TACR3: variants seen among roughly 807,000 people sequenced by gnomAD.
The protein encoded by TACR3 is neuromedin-K receptor.
A neutral mutation model predicts 35.0 loss-of-function variants in TACR3; 34 were observed. That is an observed-to-expected ratio of 0.97 (90% CI 0.74 to 1.30). TACR3 has a LOEUF of 1.30. Among genes scored for constraint, TACR3 ranks in the 50% most tolerant of loss-of-function variants. The pLI, the probability that TACR3 is intolerant of heterozygous loss-of-function variation, is 0.00. For synonymous variants in TACR3, 233 were observed against 221.1 expected (o/e 1.05, Z -0.48); for missense variants, 558 against 591.7 (o/e 0.94, Z 0.59).
chr4:103,612,053 T>C (rs962595593), intron 3 of TACR3, among the ~76,000 whole-genome samples: 2 of 152,190 alleles, frequency 1.3e-5, no homozygotes, highest in Admixed American at 6.5e-5. Context: ...TTTTAAAAAA[T>C]GTAAAATAGA....
chr4:103,597,700 C>A (rs950005617), intron 3 of TACR3, among the ~76,000 whole-genome samples: 1 of 150,554 alleles, frequency 6.6e-6, no homozygotes, highest in Non-Finnish European at 1.5e-5. Context: ...TGAGAACATG[C>A]AGTTTGGTTT....
intron 3 of TACR3, among the ~76,000 whole-genome samples, chr4:103,618,564 CTTTTTTTTT>C (rs57837921): frequency 1.1e-4 from 7 of 61,446 alleles, no homozygotes; most frequent in East Asian, 6.0e-4. Flanking sequence ...GTGACTTGGG[CTTTTTTTTT>C]TTTTTTTTTT....
In TACR3 at chr4:103,637,244, T is replaced by C. The variant is rs537834019; in HGVS notation, c.888+18950A>G. ...AAATCAAAAAGCTTATCCACCATGA[T>C]CAAGTGGGCTTCATCCCTGGGATGC... On this transcript the variant is annotated intron_variant, in intron 3 of 4. Coordinates refer to ENST00000304883, the MANE Select transcript of TACR3 (RefSeq NM_001059.3). 5.0e-3 allele frequency among the ~76,000 whole-genome samples: 756 copies of C among 152,196 alleles called. 10 individuals are homozygous for C. The highest frequency in any genetic ancestry group is 0.017 in the African/African-American group (724 of 41,524).
At chr4:103,634,073 A>G (rs1725126741) in intron 3 of TACR3, among the ~76,000 whole-genome samples, 2 of 152,154 alleles carry the variant, frequency 1.3e-5, no homozygotes, top group Non-Finnish European at 2.9e-5. Flanking sequence ...AAAACTAAAT[A>G]GGACTAGAAG....
At chr4:103,678,102 T>C (rs1238882933) in intron 1 of TACR3, among the ~76,000 whole-genome samples, 1 of 152,148 alleles carries the variant, frequency 6.6e-6, no homozygotes, top group Non-Finnish European at 1.5e-5. Flanking sequence ...AATGAGATCT[T>C]CTGTGCAACT....
intron 3 of TACR3, among the ~76,000 whole-genome samples, chr4:103,650,774 T>G (rs1725591581): frequency 1.3e-5 from 1 of 78,598 alleles, no homozygotes; most frequent in African/African-American, 5.3e-5. Context: ...ATGTATATAA[T>G]ATATATTATA....
intron 1 of TACR3, among the ~76,000 whole-genome samples, chr4:103,696,488 A>G (rs966817596): frequency 6.6e-6 from 1 of 152,204 alleles, no homozygotes; most frequent in Admixed American, 6.5e-5. Context: ...TTCTTGCCAT[A>G]TAAGATTATG....
At chr4:103,627,357 A>ATAC (rs1306231314) in intron 3 of TACR3, among the ~76,000 whole-genome samples, 119 of 102,142 alleles carry the variant, frequency 1.2e-3, no homozygotes, top group African/African-American at 3.9e-3. Flanking sequence ...TCCATTAAAA[A>ATAC]AAAAAAAAAA....
intron 1 of TACR3, among the ~76,000 whole-genome samples, chr4:103,669,919 A>C (rs551315607): frequency 6.6e-6 from 1 of 152,036 alleles, no homozygotes; most frequent in South Asian, 2.1e-4. Flanking sequence ...GTTTTTCCAC[A>C]ATGTTTTCTA....
chr4:103,700,889 GGAC>G (rs1337563307), intron 1 of TACR3, among the ~76,000 whole-genome samples: 1 of 152,050 alleles, frequency 6.6e-6, no homozygotes, highest in Non-Finnish European at 1.5e-5. Context: ...GGTATTGATG[GGAC>G]GTATCTCAAA....
Position 103,658,243 on chromosome 4 carries a change from A to G in TACR3, c.709T>C (p.Trp237Arg). The change falls in exon 2 of 5, where the codon TGG (tryptophan) becomes CGG (arginine). Residue 237 changes from tryptophan (W) to arginine (R), a missense_variant. Trp to Arg is a moderately radical substitution (Grantham distance 101). Coordinates refer to ENST00000304883, the MANE Select transcript of TACR3 (RefSeq NM_001059.3). ...MPGRTLCFVQ[W>R]PEGPKQHFTY... ...AAATGTTGTTTGGGACCTTCTGGCC[A>G]TTGCACAAAGCAGAGAGTACGGCCT... The G allele has an allele frequency of 1.9e-6, 3 of 1,613,984 alleles. No homozygotes were observed. The highest frequency in any genetic ancestry group is 2.5e-6 in the Non-Finnish European group (3 of 1,179,912).
chr4:103,600,348 T>C (rs943188485), intron 3 of TACR3, among the ~76,000 whole-genome samples: 15 of 152,174 alleles, frequency 9.9e-5, no homozygotes, highest in Non-Finnish European at 2.1e-4. Context: ...TTCTCTCTTT[T>C]CTTCTTTATT....
chr4:103,607,417 A>T (rs1724404979), intron 3 of TACR3, among the ~76,000 whole-genome samples: 1 of 152,014 alleles, frequency 6.6e-6, no homozygotes, highest in African/African-American at 2.4e-5. Context: ...ACCAGTGTTT[A>T]GTGTTATTAT....
chr4:103,599,650 A>AT (rs1050667559), intron 3 of TACR3, among the ~76,000 whole-genome samples: 4 of 152,126 alleles, frequency 2.6e-5, no homozygotes, highest in Admixed American at 6.5e-5. Context: ...ATTTATTGAG[A>AT]TTTTTTAGCA....
chr4:103,597,053 A>T (rs1040105554), intron 3 of TACR3, among the ~76,000 whole-genome samples: 14 of 152,032 alleles, frequency 9.2e-5, no homozygotes, highest in African/African-American at 3.4e-4. Context: ...ATAGTGCCGC[A>T]ATAAACACAT....
intron 1 of TACR3, among the ~76,000 whole-genome samples, chr4:103,715,430 T>C (rs1373524756): frequency 1.3e-5 from 2 of 152,144 alleles, no homozygotes; most frequent in Admixed American, 6.5e-5. Context: ...TCTGTCATGA[T>C]TGTAAGTTTC....
intron 1 of TACR3, among the ~76,000 whole-genome samples, chr4:103,704,839 C>A (rs1578265475): frequency 6.6e-6 from 1 of 152,104 alleles, no homozygotes; most frequent in East Asian, 1.9e-4. Flanking sequence ...GACACTATAG[C>A]AAGAAATGGT....
chr4:103,595,958 T>A (rs1488514541), intron 3 of TACR3, among the ~76,000 whole-genome samples: 1 of 143,724 alleles, frequency 7.0e-6, no homozygotes, highest in African/African-American at 2.6e-5. Flanking sequence ...TGTCCATATG[T>A]TCTCATTGTT....
At chr4:103,718,945 G>T (rs184509054) in intron 1 of TACR3, among the ~76,000 whole-genome samples, 183 bp downstream of exon 1, 16 of 152,274 alleles carry the variant, frequency 1.1e-4, no homozygotes, top group African/African-American at 3.9e-4. Flanking sequence ...GGCCACGGAA[G>T]CAGAAACTTG....
Sources: gnomAD v4.1 joint callset for allele counts (sites outside exome capture counted in the v4.1 genomes callset) on GRCh38, gnomAD v4.1.1 for gene constraint, MANE v1.5 for transcripts, NCBI Gene and HGNC (gene_info 2026-07-23, HGNC 2026-07-21) for gene names.